CDH12: variants seen among roughly 807,000 people sequenced by gnomAD.
CDH12 encodes cadherin 12.
CDH12 carries 41 observed loss-of-function variants against 74.1 expected under a neutral mutation model. The ratio of observed to expected loss-of-function variants is 0.55; its 90% CI spans 0.43 to 0.72. CDH12 has a LOEUF of 0.72. Ranked by LOEUF, CDH12 falls within the 30% of genes least tolerant of loss-of-function variation. The probability of loss-of-function intolerance (pLI) is 0.00; values close to 1 mark genes in which losing one functional copy is unlikely to be tolerated. For missense variants in CDH12, 945 were observed against 977.2 expected (o/e 0.97, Z 0.44); for synonymous variants, 399 against 355.0 (o/e 1.12, Z -1.39).
chr5:22,672,306 TA>T, intron 1 of CDH12, among the ~76,000 whole-genome samples: 1 of 151,600 alleles, frequency 6.6e-6, no homozygotes, highest in African/African-American at 2.4e-5. Context: ...ACCAAGAGTA[TA>T]AATGTAGGGC....
rs544344602 is a variant in CDH12, at chr5:22,304,128, A to G, written c.-332-91485T>C. ...ATGTTGATAAGCTAATTTTTAAAAT[A>G]ATTTAGAAGTATCCTAGATAAGGCA... is the stretch of plus-strand genomic sequence containing the variant. On this transcript the variant is annotated intron_variant, in intron 3 of 14. Coordinates refer to ENST00000382254, the MANE Select transcript of CDH12 (RefSeq NM_004061.5). 2.0e-5 allele frequency among the ~76,000 whole-genome samples: 3 copies of G among 152,240 alleles called. No individual in the cohort carries two copies. In the South Asian group the frequency reaches 6.2e-4, roughly 32 times the overall value.
intron 5 of CDH12, among the ~76,000 whole-genome samples, chr5:22,009,988 G>GGAAA (rs1349215248): frequency 7.4e-5 from 11 of 147,970 alleles, no homozygotes; most frequent in South Asian, 4.3e-4. Flanking sequence ...AGAGAAAGAA[G>GGAAA]GAAAGAAAGA....
At chr5:22,745,320 T>A (rs1745238417) in intron 1 of CDH12, among the ~76,000 whole-genome samples, 1 of 152,074 alleles carries the variant, frequency 6.6e-6, no homozygotes, top group African/African-American at 2.4e-5. Context: ...TTGGGAAGAT[T>A]TGCCATGTTT....
intron 1 of CDH12, among the ~76,000 whole-genome samples, chr5:22,726,618 A>G (rs1744176467): frequency 6.6e-6 from 1 of 151,822 alleles, no homozygotes; most frequent in South Asian, 2.1e-4. Flanking sequence ...TCCAGGCAGC[A>G]TTTGTTGTTG....
At chr5:22,503,567 C>A (rs1267020093) in intron 2 of CDH12, among the ~76,000 whole-genome samples, 1 of 152,032 alleles carries the variant, frequency 6.6e-6, no homozygotes, top group East Asian at 1.9e-4. Context: ...AATTTCAAGC[C>A]ATTCTCCTCA....
chr5:21,957,630 C>T (rs1048188405), intron 6 of CDH12, among the ~76,000 whole-genome samples: 24 of 152,146 alleles, frequency 1.6e-4, no homozygotes, highest in Middle Eastern at 3.4e-3. Context: ...AATTATATTT[C>T]ATTGTGGTTT....
chr5:22,623,576 A>G (rs1001765774), intron 1 of CDH12, among the ~76,000 whole-genome samples: 55 of 152,306 alleles, frequency 3.6e-4, no homozygotes, highest in African/African-American at 1.3e-3. Context: ...TGCTTCAAAG[A>G]GAATCAAATA....
intron 2 of CDH12, among the ~76,000 whole-genome samples, chr5:22,445,808 T>C (rs1382976411): frequency 2.0e-5 from 3 of 152,238 alleles, no homozygotes; most frequent in Non-Finnish European, 2.9e-5. Flanking sequence ...AGCTCTGTGT[T>C]ACTTCTTCAG....
intron 2 of CDH12, among the ~76,000 whole-genome samples, chr5:22,453,499 C>A (rs1745135898): frequency 6.6e-6 from 1 of 151,998 alleles, no homozygotes; most frequent in South Asian, 2.1e-4. Context: ...ATGACAAATA[C>A]CACATGACCT....
chr5:21,792,788 T>A (rs1005221729), intron 10 of CDH12, among the ~76,000 whole-genome samples: 1 of 151,720 alleles, frequency 6.6e-6, no homozygotes, highest in Admixed American at 6.6e-5. Flanking sequence ...TTTACACCTG[T>A]CCTTTAGTTT....
intron 4 of CDH12, among the ~76,000 whole-genome samples, chr5:22,086,731 C>T (rs1157971500): frequency 6.7e-6 from 1 of 149,908 alleles, no homozygotes; most frequent in East Asian, 2.0e-4. Flanking sequence ...GTATCTCCTA[C>T]AAGCCAAGAA....
At chr5:22,625,547 G>T (rs571392472) in intron 1 of CDH12, among the ~76,000 whole-genome samples, 1 of 152,150 alleles carries the variant, frequency 6.6e-6, no homozygotes, top group East Asian at 1.9e-4. Flanking sequence ...AGTATGGCCA[G>T]GGAGGCTCAT....
chr5:21,759,162 TC>T (rs1229843250), intron 13 of CDH12, among the ~76,000 whole-genome samples: 1 of 152,048 alleles, frequency 6.6e-6, no homozygotes, highest in African/African-American at 2.4e-5. Flanking sequence ...AAAGTTGTAT[TC>T]CATATCATGT....
chr5:21,956,495 A>G (rs1049803559), intron 6 of CDH12, among the ~76,000 whole-genome samples: 5 of 151,944 alleles, frequency 3.3e-5, no homozygotes, highest in Non-Finnish European at 7.4e-5. Context: ...TGTCTTTTAT[A>G]TTATTTATTC....
At chr5:22,162,750 G>A (rs1580344290) in intron 4 of CDH12, among the ~76,000 whole-genome samples, 1 of 152,076 alleles carries the variant, frequency 6.6e-6, no homozygotes, top group Non-Finnish European at 1.5e-5. Context: ...TTTGTCAGCT[G>A]CTCTAGTACT....
intron 3 of CDH12, among the ~76,000 whole-genome samples, chr5:22,334,865 T>A (rs970838525): frequency 6.6e-6 from 1 of 152,104 alleles, no homozygotes; most frequent in African/African-American, 2.4e-5. Flanking sequence ...ATTAAAGACT[T>A]AAATCTAAGG....
intron 1 of CDH12, among the ~76,000 whole-genome samples, chr5:22,663,799 G>C (rs1379769037): frequency 6.9e-6 from 1 of 145,982 alleles, no homozygotes; most frequent in Non-Finnish European, 1.5e-5. Flanking sequence ...TACATAATGA[G>C]CCATGATATA....
intron 10 of CDH12, among the ~76,000 whole-genome samples, chr5:21,797,073 A>C (rs1483811903): frequency 6.6e-6 from 1 of 152,098 alleles, no homozygotes; most frequent in Non-Finnish European, 1.5e-5. Context: ...AAAGGGTGAG[A>C]GTAAGGAACC....
chr5:22,757,513 T>C (rs915699517), intron 1 of CDH12, among the ~76,000 whole-genome samples: 1 of 152,174 alleles, frequency 6.6e-6, no homozygotes, highest in Non-Finnish European at 1.5e-5. Context: ...CTCATTTTAT[T>C]ATTAGTTATT....
Sources: gnomAD v4.1 joint callset for allele counts (sites outside exome capture counted in the v4.1 genomes callset) on GRCh38, gnomAD v4.1.1 for gene constraint, MANE v1.5 for transcripts, NCBI Gene and HGNC (gene_info 2026-07-23, HGNC 2026-07-21) for gene names.